TRAM2: variants seen among roughly 807,000 people sequenced by gnomAD.
TRAM2 encodes the protein translocation associated membrane protein 2.
Under a neutral mutation model 51.0 loss-of-function variants are expected in TRAM2, and 12 were observed. That is an observed-to-expected ratio of 0.24 (90% CI 0.15 to 0.38). TRAM2 has a LOEUF of 0.38. Ranked by LOEUF, TRAM2 falls within the 10% of genes least tolerant of loss-of-function variation. The pLI is 1.00. For synonymous variants in TRAM2, 175 were observed against 179.4 expected (o/e 0.98, Z 0.20); for missense variants, 361 against 462.0 (o/e 0.78, Z 2.00).
intron 1 of TRAM2, among the ~76,000 whole-genome samples, chr6:52,536,203 A>G (rs553163423): frequency 6.6e-6 from 1 of 152,332 alleles, no homozygotes; most frequent in Non-Finnish European, 1.5e-5. Context: ...GAAGACAGAA[A>G]CTAATAAATA....
intron 2 of TRAM2, 35 bp from the exon 3 acceptor site, chr6:52,516,772 G>C (rs757030468): frequency 6.5e-7 from 1 of 1,531,832 alleles, no homozygotes; most frequent in South Asian, 1.1e-5. Context: ...CAGCATCCCT[G>C]GGGGAAGGAA....
chr6:52,534,659 CAG>C (rs757205606), intron 2 of TRAM2, among the ~76,000 whole-genome samples: 1 of 152,224 alleles, frequency 6.6e-6, no homozygotes, highest in Non-Finnish European at 1.5e-5. Context: ...ATTTAAAAAT[CAG>C]AGTATTTCTA....
intron 3 of TRAM2, 69 bp downstream of exon 3, chr6:52,516,559 C>T (rs1766552810): frequency 7.5e-7 from 1 of 1,336,188 alleles, no homozygotes; most frequent in Non-Finnish European, 1.1e-6. Context: ...CAGTTTCCTC[C>T]AAGGCCAGGT....
chr6:52,505,782 C>A (rs192262305), intron 8 of TRAM2, 40 bp from the exon 9 acceptor site: 5 of 1,561,634 alleles, frequency 3.2e-6, no homozygotes. Context: ...GTCTTTAGCG[C>A]CCTTGAAGGA....
chr6:52,525,470 TAC>T (rs1270181080), intron 2 of TRAM2, among the ~76,000 whole-genome samples: 1 of 151,908 alleles, frequency 6.6e-6, no homozygotes. Flanking sequence ...TAAGCACAGA[TAC>T]ACACACACAC....
At chr6:52,557,531 G>T (rs922557353) in intron 1 of TRAM2, among the ~76,000 whole-genome samples, 8 of 152,098 alleles carry the variant, frequency 5.3e-5, no homozygotes, top group Middle Eastern at 3.2e-3. Context: ...TACAGGAGTC[G>T]GTAAAGAATC....
Position 52,509,534 on chromosome 6 carries a change from T to C in TRAM2, c.464A>G (p.His155Arg). Residue 155 changes from histidine to arginine, a missense_variant, in exon 5 of 11, where the codon CAC (histidine) becomes CGC (arginine). Transcript: ENST00000182527. ...RSLWEDYPHV[H>R]LPFQVKFFYL... Reference sequence around the variant, plus strand: ...GAGTCAACAGAATACTCACGGGAGGTGCACATGCGGGTAGTCTTCCCAGAG... The same window carrying C: ...GAGTCAACAGAATACTCACGGGAGGCGCACATGCGGGTAGTCTTCCCAGAG... 6.2e-7 allele frequency: 1 copy of C among 1,613,810 alleles called. No homozygotes were observed. The highest frequency in any genetic ancestry group is 8.5e-7 in the Non-Finnish European group (1 of 1,179,914).
intron 4 of TRAM2, among the ~76,000 whole-genome samples, chr6:52,511,850 G>A (rs141560657): frequency 5.9e-5 from 9 of 152,198 alleles, no homozygotes; most frequent in East Asian, 5.8e-4. Flanking sequence ...ATCTCACTTC[G>A]AACTTACATG....
At chr6:52,569,025 A>G (rs1458052113) in intron 1 of TRAM2, among the ~76,000 whole-genome samples, 1 of 152,232 alleles carries the variant, frequency 6.6e-6, no homozygotes, top group East Asian at 1.9e-4. Context: ...TTAAGAAACC[A>G]TATGGAAGAG....
intron 1 of TRAM2, among the ~76,000 whole-genome samples, chr6:52,548,193 G>A (rs1248649380): frequency 6.6e-6 from 1 of 152,124 alleles, no homozygotes; most frequent in African/African-American, 2.4e-5. Context: ...TACGAGACCC[G>A]CTTCCTTCTC....
chr6:52,512,187 C>G (rs944327761), intron 4 of TRAM2, among the ~76,000 whole-genome samples: 5 of 152,152 alleles, frequency 3.3e-5, no homozygotes, highest in Admixed American at 2.0e-4. Flanking sequence ...TTTGCCCAAA[C>G]AAGACTCGCC....
chr6:52,503,085 CTGTT>C lies in TRAM2; in HGVS notation c.*108_*111del. The C allele has an allele frequency of 2.2e-6, 2 of 898,598 alleles. No individual in the cohort carries two copies. The highest frequency in any genetic ancestry group is 3.7e-6 in the Non-Finnish European group (2 of 547,602). The allele number at this position is 898,598 out of a possible 1,614,324, so 55.7% of individuals were successfully genotyped here. ...CCCCCCATTGCAAGACAGGTTTCGG[CTGTT>C]TGAGACGGAGCATCACAGGCAGGAA... On this transcript the variant is annotated 3_prime_UTR_variant, in exon 11 of 11. Transcript: ENST00000182527.
chr6:52,505,949 G>A, intron 8 of TRAM2, 83 bp downstream of exon 8: 1 of 1,509,138 alleles, frequency 6.6e-7, no homozygotes, highest in South Asian at 1.1e-5. Flanking sequence ...GTGCAACCAG[G>A]GAGGGACCCT....
chr6:52,504,111 C>T lies in TRAM2; in HGVS notation c.1039+480G>A, dbSNP rs181857491. 3.9e-5 allele frequency among the ~76,000 whole-genome samples: 6 copies of T among 152,312 alleles called. No individual in the cohort carries two copies. The East Asian group carries it at 7.7e-4, about 20-fold the overall frequency. ...ACGGGCCAAAGGATAAGTGTCCCAC[C>T]CCTACCCCCCACCTAGCACTATGTC... On this transcript the variant is annotated intron_variant, in intron 10 of 10. Coordinates refer to ENST00000182527, the MANE Select transcript of TRAM2 (RefSeq NM_012288.4).
chr6:52,499,612 G>A lies in TRAM2; in HGVS notation c.*3585C>T, dbSNP rs949842226. ...CTTATTAGCTGCTTAGAAAAAAGAA[G>A]GGGTACTGACAAAGGAGGTCCCAAA... On this transcript the variant is annotated 3_prime_UTR_variant, in exon 11 of 11. Coordinates refer to ENST00000182527, the MANE Select transcript of TRAM2 (RefSeq NM_012288.4). The A allele has an allele frequency of 1.3e-5, 2 of 152,060 alleles. No homozygotes were observed. The highest frequency in any genetic ancestry group is 4.8e-5 in the African/African-American group (2 of 41,372). 9.4% of individuals were successfully genotyped at this position (152,060 alleles called of 1,614,324 possible). A position where few individuals can be genotyped will look rare whatever the true frequency, so the allele number is the denominator to read the frequency against.
At chr6:52,507,950 T>C (rs547038669) in intron 6 of TRAM2, among the ~76,000 whole-genome samples, 4 of 152,266 alleles carry the variant, frequency 2.6e-5, no homozygotes, top group African/African-American at 7.2e-5. Context: ...AAAAAGACTA[T>C]GGAAATGGCA....
chr6:52,521,748 A>C (rs986544803), intron 2 of TRAM2, among the ~76,000 whole-genome samples: 13 of 151,712 alleles, frequency 8.6e-5, no homozygotes, highest in Admixed American at 2.6e-4. Flanking sequence ...AAATAAAATA[A>C]AATAAAATAA....
At chr6:52,576,225 G>A (rs913884267) in intron 1 of TRAM2, among the ~76,000 whole-genome samples, 1 of 152,184 alleles carries the variant, frequency 6.6e-6, no homozygotes, top group Non-Finnish European at 1.5e-5. Context: ...AAGTGGGAGC[G>A]AGACGAGAGC....
chr6:52,566,981 A>G (rs926667612), intron 1 of TRAM2, among the ~76,000 whole-genome samples: 1 of 152,244 alleles, frequency 6.6e-6, no homozygotes, highest in African/African-American at 2.4e-5. Flanking sequence ...ATGAGATGGT[A>G]AATTCCTTGT....
Sources: gnomAD v4.1 joint callset for allele counts (sites outside exome capture counted in the v4.1 genomes callset) on GRCh38, gnomAD v4.1.1 for gene constraint, MANE v1.5 for transcripts, NCBI Gene and HGNC (gene_info 2026-07-23, HGNC 2026-07-21) for gene names.